Variants in PKD1L3 observed in about 807,000 individuals in gnomAD.
PKD1L3 encodes the protein polycystin-1-like protein 3.
In PKD1L3, 239 loss-of-function variants were observed where a neutral mutation model predicts 184.1. That is an observed-to-expected ratio of 1.30 (90% confidence interval 1.17 to 1.45). The LOEUF (loss-of-function observed/expected upper bound fraction) is 1.45, where lower values mean the gene tolerates loss of function less well. PKD1L3 is among the 40% of genes most tolerant of loss of function. The pLI, the probability that PKD1L3 is intolerant of heterozygous loss-of-function variation, is 0.00. For missense variants in PKD1L3, 2,660 were observed against 2,067.2 expected, an observed-to-expected ratio of 1.29 and a Z score of -5.56; for synonymous variants, 996 against 778.8, an observed-to-expected ratio of 1.28 and a Z score of -4.64.
At chr16:71,976,281 A>C (rs1472583298) in intron 11 of PKD1L3, among the ~76,000 whole-genome samples, 3 of 10,142 alleles carry the variant, frequency 3.0e-4, no homozygotes, top group Non-Finnish European at 7.0e-4. Context: ...TTTTTTTTTT[A>C]AGACAGTCTT....
intron 2 of PKD1L3, among the ~76,000 whole-genome samples, chr16:71,997,928 C>T (rs142468621): frequency 6.6e-6 from 1 of 152,166 alleles, no homozygotes; most frequent in African/African-American, 2.4e-5. Flanking sequence ...CTCTTCTCCT[C>T]CTTCTCTTTC....
chr16:71,956,753 TC>T (rs2039065068), intron 16 of PKD1L3, among the ~76,000 whole-genome samples: 1 of 152,184 alleles, frequency 6.6e-6, no homozygotes, highest in African/African-American at 2.4e-5. Context: ...CACAGCAGTA[TC>T]AATATATATA....
chr16:72,000,000 A>T lies in PKD1L3; in HGVS notation c.-22T>A. On this transcript the variant is annotated 5_prime_UTR_variant, in exon 1 of 30. Transcript: ENST00000620267. ...ACATTTTCTCTGAATTGTAGCAAGA[A>T]AAAGTGTGGGGGTTTAGCAGCTGCC... The T allele has an allele frequency of 6.7e-7, 1 of 1,492,098 alleles. No homozygotes were observed. Among genetic ancestry groups the T allele is most frequent in the South Asian group, 1.4e-5 (1 of 73,862 alleles). The allele number at this position is 1,492,098 out of a possible 1,614,324, so 92.4% of individuals were successfully genotyped here. A position where few individuals can be genotyped will look rare whatever the true frequency, so the allele number is the denominator to read the frequency against.
At position 71,982,175 on chromosome 16, in the gene PKD1L3, T is replaced by C. The variant is rs1017684143; in HGVS notation, c.1027A>G (p.Asn343Asp). The stretch of plus-strand genomic sequence containing the variant: ...ACTTTGAAGCCCAGACTGTTGTTGT[T>C]CTGAAATGGGATCCTGAGTAACTCC... ...SEELLRIPFQ[N>D]NNSLGFKVPP... The change falls in exon 7 of 30, where the codon AAC becomes GAC. Residue 343 changes from asparagine (N) to aspartate (D), a missense_variant. Transcript: ENST00000620267. 2.6e-6 allele frequency: 4 copies of C among 1,551,272 alleles called. No individual in the cohort carries two copies. Among genetic ancestry groups the C allele is most frequent in the Non-Finnish European group, 3.5e-6 (4 of 1,146,728 alleles).
intron 6 of PKD1L3, among the ~76,000 whole-genome samples, 181 bp downstream of exon 6, chr16:71,983,855 G>GT (rs1232858199): frequency 6.6e-6 from 1 of 151,526 alleles, no homozygotes; most frequent in Non-Finnish European, 1.5e-5. Flanking sequence ...GTAGAGACGG[G>GT]TTTTGCCATG....
At chr16:71,998,653 G>A (rs1322498639) in intron 1 of PKD1L3, among the ~76,000 whole-genome samples, 1 of 152,086 alleles carries the variant, frequency 6.6e-6, no homozygotes, top group African/African-American at 2.4e-5. Context: ...GTTTCACCAT[G>A]TTGGCCAGGC....
At chr16:71,970,167 A>G (rs1281342953) in intron 12 of PKD1L3, 62 bp from the exon 13 acceptor site, 1 of 1,287,642 alleles carries the variant, frequency 7.8e-7, no homozygotes, top group African/African-American at 1.5e-5. Flanking sequence ...GGACAGACAT[A>G]AAACAAACAC....
At chr16:71,940,544 G>A (rs1359339341) in intron 24 of PKD1L3, among the ~76,000 whole-genome samples, 1 of 151,908 alleles carries the variant, frequency 6.6e-6, no homozygotes, top group Non-Finnish European at 1.5e-5. Context: ...CTGTCCCCCA[G>A]GCTGGAGTGC....
intron 15 of PKD1L3, among the ~76,000 whole-genome samples, chr16:71,964,730 C>T (rs2039431371): frequency 6.6e-6 from 1 of 151,920 alleles, no homozygotes; most frequent in South Asian, 2.1e-4. Flanking sequence ...TCACCTCCTG[C>T]CCCCTCATTC....
chr16:71,930,760 C>T (rs1255193504), intron 28 of PKD1L3: 1 of 151,964 alleles, frequency 6.6e-6, no homozygotes, highest in African/African-American at 2.4e-5. Flanking sequence ...GGAATGGTTC[C>T]CATAACAAAA....
chr16:71,964,730 C>A (rs2039431371), intron 15 of PKD1L3, among the ~76,000 whole-genome samples: 1 of 151,920 alleles, frequency 6.6e-6, no homozygotes, highest in Non-Finnish European at 1.5e-5. Flanking sequence ...TCACCTCCTG[C>A]CCCCTCATTC....
chr16:71,966,567 T>C (rs2039508948), intron 15 of PKD1L3, among the ~76,000 whole-genome samples: 6 of 152,098 alleles, frequency 3.9e-5, no homozygotes, highest in Admixed American at 3.9e-4. Flanking sequence ...GCTGGGATTA[T>C]AGGTGCACAC....
intron 6 of PKD1L3, among the ~76,000 whole-genome samples, chr16:71,983,085 C>T (rs1279415839): frequency 6.6e-6 from 1 of 152,002 alleles, no homozygotes; most frequent in African/African-American, 2.4e-5. Flanking sequence ...GGTGAGTAGA[C>T]CAAATATCCA....
chr16:71,967,143 G>A lies in PKD1L3; in HGVS notation c.2459C>T (p.Pro820Leu), dbSNP rs979552442. 3.9e-6 allele frequency: 6 copies of A among 1,551,536 alleles called. No homozygotes were observed. The East Asian group carries it at 1.2e-4, about 32-fold the overall frequency. ...RLWHDNSGVS[P>L]SWYVSQVIVC... The stretch of plus-strand genomic sequence containing the variant: ...ACAGGATATAAGTACTCACCAGGAG[G>A]GACTGACGCCAGAATTGTCATGCCA... The change falls in exon 15 of 30, where the codon CCC (proline) becomes CTC (leucine). Residue 820 changes from proline to leucine, a missense_variant. Physicochemically the swap from Pro to Leu is moderately conservative, Grantham distance 98. Coordinates refer to ENST00000620267, the MANE Select transcript of PKD1L3 (RefSeq NM_181536.2).
chr16:71,960,417 G>T (rs188574654), intron 16 of PKD1L3, among the ~76,000 whole-genome samples: 1 of 151,906 alleles, frequency 6.6e-6, no homozygotes, highest in East Asian at 1.9e-4. Flanking sequence ...CCATAAAAAG[G>T]GCTGAAAGTA....
At chr16:71,997,847 T>C (rs1002003235) in intron 2 of PKD1L3, among the ~76,000 whole-genome samples, 3 of 152,202 alleles carry the variant, frequency 2.0e-5, no homozygotes, top group Admixed American at 6.5e-5. Context: ...AATCCTGATC[T>C]ACTTCTGCAG....
intron 2 of PKD1L3, 23 bp downstream of exon 2, chr16:71,998,248 GC>G (rs2040858524): frequency 6.4e-7 from 1 of 1,550,852 alleles, no homozygotes; most frequent in Admixed American, 2.0e-5. Context: ...TGGGTCTTTG[GC>G]AGCATGTAGC....
At chr16:71,945,372 A>C in intron 22 of PKD1L3, among the ~76,000 whole-genome samples, 1 of 56,526 alleles carries the variant, frequency 1.8e-5, no homozygotes, top group South Asian at 9.5e-4. Flanking sequence ...ATATACACAC[A>C]CGCACACACA....
At chr16:71,992,946 G>A (rs2040646963) in intron 3 of PKD1L3, among the ~76,000 whole-genome samples, 1 of 152,178 alleles carries the variant, frequency 6.6e-6, no homozygotes. Context: ...AGAACTTTAA[G>A]ACGACTACTT....
Sources: allele counts gnomAD v4.1 joint callset (sites outside exome capture counted in the v4.1 genomes callset), GRCh38; gene constraint gnomAD v4.1.1; transcripts MANE v1.5; gene names NCBI Gene and HGNC (gene_info 2026-07-23, HGNC 2026-07-21).